WWOX: variants seen among roughly 807,000 people sequenced by gnomAD.
WWOX encodes WW domain containing oxidoreductase.
In WWOX, 69 loss-of-function variants were observed where a neutral mutation model predicts 46.2. The observed-to-expected ratio is 1.49, with a 90% CI of 1.23 to 1.82. The LOEUF (loss-of-function observed/expected upper bound fraction) is 1.82. Ranked by LOEUF, WWOX falls within the 40% of genes most tolerant of loss-of-function variation. The pLI, the probability that WWOX is intolerant of heterozygous loss-of-function variation, is 0.00. For synonymous variants in WWOX, 359 were observed against 202.6 expected (o/e 1.77, Z -6.56); for missense variants, 919 against 542.6 (o/e 1.69, Z -6.89).
intron 8 of WWOX, among the ~76,000 whole-genome samples, chr16:78,631,283 C>T (rs530389174): frequency 8.7e-4 from 133 of 152,158 alleles, no homozygotes; most frequent in African/African-American, 2.8e-3. Flanking sequence ...CAAGATTCTC[C>T]GTGGCTTGTG....
intron 5 of WWOX, among the ~76,000 whole-genome samples, chr16:78,292,822 T>A (rs2079881834): frequency 6.6e-6 from 1 of 152,186 alleles, no homozygotes; most frequent in Non-Finnish European, 1.5e-5. Flanking sequence ...TGCACTTCAT[T>A]AAAATACTTT....
At chr16:78,588,685 G>A (rs2045278968) in intron 8 of WWOX, among the ~76,000 whole-genome samples, 1 of 152,174 alleles carries the variant, frequency 6.6e-6, no homozygotes, top group African/African-American at 2.4e-5. Context: ...TGTCCTAGGT[G>A]CCTCTTAATG....
At position 78,754,725 on chromosome 16, in the gene WWOX, T is replaced by G. The variant is rs576435760; in HGVS notation, c.1056+321973T>G. On this transcript the variant is annotated intron_variant, in intron 8 of 8. Transcript: ENST00000566780. ...GTGCATTTATTTGGTTTTCTTGAAATAAGAAAAAAAGATTTCTTCTCCATC... is the reference window on the plus strand; with the variant it reads ...GTGCATTTATTTGGTTTTCTTGAAAGAAGAAAAAAAGATTTCTTCTCCATC... 7.2e-5 allele frequency among the ~76,000 whole-genome samples: 11 copies of G among 152,172 alleles called. No individual in the cohort carries two copies. In the South Asian group the frequency reaches 1.0e-3, roughly 14 times the overall value.
chr16:78,238,461 A>T (rs1412876028), intron 5 of WWOX, among the ~76,000 whole-genome samples: 1 of 151,590 alleles, frequency 6.6e-6, no homozygotes, highest in African/African-American at 2.4e-5. Flanking sequence ...CACCATACCC[A>T]GCCAATTTTT....
intron 8 of WWOX, among the ~76,000 whole-genome samples, chr16:78,742,063 C>T (rs1006344620): frequency 1.3e-5 from 2 of 152,160 alleles, no homozygotes; most frequent in Admixed American, 1.3e-4. Context: ...GTGACCTCAG[C>T]ACTAGGATAT....
intron 8 of WWOX, among the ~76,000 whole-genome samples, chr16:78,526,790 G>A (rs2151506478): frequency 6.6e-6 from 1 of 152,290 alleles, no homozygotes; most frequent in South Asian, 2.1e-4. Flanking sequence ...TCCTGCTTAG[G>A]AAATTTGGGT....
rs369680069 is a variant in WWOX at position 78,893,051 on chromosome 16, G to A, written c.1057-318557G>A. On this transcript the variant is annotated intron_variant, in intron 8 of 8. Coordinates refer to ENST00000566780, the MANE Select transcript of WWOX (RefSeq NM_016373.4). ...AGAGCAGGGGTCCTCAAAGCAGACC[G>A]TGAGGTCAGAGGAGCACTGGAGTCA... Among the ~76,000 whole-genome samples, 294 of 152,278 alleles carry A rather than the reference G, an allele frequency of 1.9e-3. 3 individuals are homozygous for A. Among genetic ancestry groups the A allele is most frequent in the Middle Eastern group, 0.01 (3 of 294 alleles).
chr16:78,385,029 G>C (rs556672622), intron 5 of WWOX, among the ~76,000 whole-genome samples: 2 of 152,114 alleles, frequency 1.3e-5, no homozygotes, highest in African/African-American at 4.8e-5. Context: ...AGCTAGTCGG[G>C]AGGCTGAGGC....
At chr16:78,624,910 G>A (rs1463337990) in intron 8 of WWOX, among the ~76,000 whole-genome samples, 3 of 152,156 alleles carry the variant, frequency 2.0e-5, no homozygotes, top group Admixed American at 6.5e-5. Flanking sequence ...CCTGGAGTCT[G>A]TACACACAAA....
At chr16:78,688,150 A>T (rs1034687436) in intron 8 of WWOX, among the ~76,000 whole-genome samples, 1 of 152,194 alleles carries the variant, frequency 6.6e-6, no homozygotes, top group Non-Finnish European at 1.5e-5. Context: ...ATGCATTTCA[A>T]ATATAAGCTA....
intron 4 of WWOX, among the ~76,000 whole-genome samples, chr16:78,155,113 G>A (rs1472626417): frequency 6.6e-6 from 1 of 152,070 alleles, no homozygotes; most frequent in East Asian, 1.9e-4. Flanking sequence ...TTTTGGACCT[G>A]TGATCTCCCC....
chr16:78,170,658 ATAT>A (rs1261671918), intron 5 of WWOX, among the ~76,000 whole-genome samples: 5 of 152,232 alleles, frequency 3.3e-5, no homozygotes, highest in African/African-American at 1.2e-4. Context: ...AGTGTAGCTC[ATAT>A]TAGCACTCAA....
At chr16:78,954,978 C>T (rs572315984) in intron 8 of WWOX, among the ~76,000 whole-genome samples, 13 of 152,066 alleles carry the variant, frequency 8.5e-5, no homozygotes, top group Non-Finnish European at 1.8e-4. Context: ...TTTGTAGGGA[C>T]AGGGCCTCAC....
intron 8 of WWOX, among the ~76,000 whole-genome samples, chr16:78,849,915 A>G (rs1292528630): frequency 2.0e-5 from 3 of 152,052 alleles, no homozygotes; most frequent in African/African-American, 7.2e-5. Flanking sequence ...TCTACTTAAA[A>G]TACAAAATTA....
At chr16:79,084,972 C>A (rs932599026) in intron 8 of WWOX, among the ~76,000 whole-genome samples, 4 of 151,948 alleles carry the variant, frequency 2.6e-5, no homozygotes, top group African/African-American at 9.7e-5. Flanking sequence ...GTCTCCCAGG[C>A]TGGAGTGCAG....
intron 8 of WWOX, among the ~76,000 whole-genome samples, chr16:78,708,329 T>C (rs1354983868): frequency 6.6e-6 from 1 of 152,200 alleles, no homozygotes; most frequent in East Asian, 1.9e-4. Flanking sequence ...TTCTAAGAAA[T>C]GATTTGTTGT....
At chr16:78,446,187 G>A (rs2083557036) in intron 8 of WWOX, among the ~76,000 whole-genome samples, 1 of 152,202 alleles carries the variant, frequency 6.6e-6, no homozygotes, top group Admixed American at 6.5e-5. Flanking sequence ...ATGTACAATG[G>A]TGAAGAAATA....
At chr16:78,682,503 A>G (rs1210244339) in intron 8 of WWOX, among the ~76,000 whole-genome samples, 1 of 152,076 alleles carries the variant, frequency 6.6e-6, no homozygotes, top group Admixed American at 6.6e-5. Context: ...GGATACCACG[A>G]GCCCAGGAGT....
chr16:78,637,753 C>G (rs759845705), intron 8 of WWOX, among the ~76,000 whole-genome samples: 30 of 152,208 alleles, frequency 2.0e-4, no homozygotes, highest in African/African-American at 3.1e-4. Flanking sequence ...TTGGTGGCAG[C>G]TAAGAGTGTC....
Sources: allele counts gnomAD v4.1 joint callset (sites outside exome capture counted in the v4.1 genomes callset), GRCh38; gene constraint gnomAD v4.1.1; transcripts MANE v1.5; gene names NCBI Gene and HGNC (gene_info 2026-07-23, HGNC 2026-07-21).